PLGRKT: variants seen among roughly 807,000 people sequenced by gnomAD.
The protein encoded by PLGRKT is plasminogen receptor with a C-terminal lysine, also known as plasminogen receptor (KT).
Under a neutral mutation model 18.5 loss-of-function variants are expected in PLGRKT, and 22 were observed. That is an observed-to-expected ratio of 1.19 (90% CI 0.85 to 1.70). PLGRKT has a LOEUF of 1.70. PLGRKT is among the 40% of genes most tolerant of loss of function. The probability of loss-of-function intolerance (pLI) is 0.00; values close to 1 mark genes in which losing one functional copy is unlikely to be tolerated. For synonymous variants in PLGRKT, 72 were observed against 52.8 expected (o/e 1.36, Z -1.58); for missense variants, 235 against 174.4 (o/e 1.35, Z -1.96).
At chr9:5,387,541 CA>C (rs1817867368) in intron 3 of PLGRKT, among the ~76,000 whole-genome samples, 1 of 151,768 alleles carries the variant, frequency 6.6e-6, no homozygotes, top group African/African-American at 2.4e-5. Flanking sequence ...AGAAAACAGA[CA>C]TAATAAAGTA....
chr9:5,407,284 A>ATTAC (rs1436312105), intron 3 of PLGRKT, among the ~76,000 whole-genome samples: 1 of 152,226 alleles, frequency 6.6e-6, no homozygotes, highest in Non-Finnish European at 1.5e-5. Context: ...ATTTGTCTTC[A>ATTAC]GTAAATATAC....
intron 3 of PLGRKT, among the ~76,000 whole-genome samples, chr9:5,404,241 T>A (rs112157441): frequency 3.9e-5 from 6 of 152,040 alleles, no homozygotes; most frequent in African/African-American, 1.4e-4. Flanking sequence ...TTCCAAACAA[T>A]TGAAAAGGAG....
chr9:5,415,291 G>C (rs916284042), intron 3 of PLGRKT, among the ~76,000 whole-genome samples: 3 of 152,218 alleles, frequency 2.0e-5, no homozygotes, highest in Non-Finnish European at 4.4e-5. Flanking sequence ...ATAACCCATA[G>C]AGTAAAATGT....
chr9:5,360,653 T>C (rs891267945), intron 5 of PLGRKT, among the ~76,000 whole-genome samples: 1 of 152,192 alleles, frequency 6.6e-6, no homozygotes, highest in Non-Finnish European at 1.5e-5. Context: ...TATTTTGTTT[T>C]GTCTGTGTAT....
chr9:5,389,041 G>A (rs1817896959), intron 3 of PLGRKT, among the ~76,000 whole-genome samples: 1 of 151,964 alleles, frequency 6.6e-6, no homozygotes, highest in Admixed American at 6.5e-5. Flanking sequence ...ACTGTGGGGT[G>A]TCTCAGTAAG....
chr9:5,411,840 A>G (rs1818371874), intron 3 of PLGRKT, among the ~76,000 whole-genome samples: 1 of 152,248 alleles, frequency 6.6e-6, no homozygotes, highest in African/African-American at 2.4e-5. Flanking sequence ...ACAAATGGAA[A>G]AACATTTCCT....
At chr9:5,427,257 G>T (rs1254183621) in intron 3 of PLGRKT, among the ~76,000 whole-genome samples, 1 of 152,128 alleles carries the variant, frequency 6.6e-6, no homozygotes, top group Non-Finnish European at 1.5e-5. Flanking sequence ...ACAGTTATCA[G>T]ATCAGCTGCC....
At chr9:5,425,206 T>C (rs1209933444) in intron 3 of PLGRKT, among the ~76,000 whole-genome samples, 1 of 152,200 alleles carries the variant, frequency 6.6e-6, no homozygotes, top group Non-Finnish European at 1.5e-5. Flanking sequence ...TCAGGTGACA[T>C]AAAATTAGTT....
At chr9:5,387,363 C>A (rs1817864128) in intron 3 of PLGRKT, among the ~76,000 whole-genome samples, 1 of 151,774 alleles carries the variant, frequency 6.6e-6, no homozygotes, top group Non-Finnish European at 1.5e-5. Flanking sequence ...TTCATAGCAA[C>A]AATTGCCATA....
At chr9:5,380,012 C>A (rs926784202) in intron 3 of PLGRKT, among the ~76,000 whole-genome samples, 1 of 152,118 alleles carries the variant, frequency 6.6e-6, no homozygotes, top group Non-Finnish European at 1.5e-5. Context: ...AAATGTCTAC[C>A]AGTAAGAGAA....
intron 3 of PLGRKT, among the ~76,000 whole-genome samples, chr9:5,383,886 C>G (rs1817792367): frequency 6.6e-6 from 1 of 152,266 alleles, no homozygotes; most frequent in African/African-American, 2.4e-5. Flanking sequence ...TTAGTGGATA[C>G]AGGTGTGCCA....
At chr9:5,408,046 T>C (rs1228066177) in intron 3 of PLGRKT, among the ~76,000 whole-genome samples, 1 of 152,162 alleles carries the variant, frequency 6.6e-6, no homozygotes, top group African/African-American at 2.4e-5. Flanking sequence ...CATGTAGAAA[T>C]TTTCTCTGAG....
At chr9:5,424,157 TAA>T (rs1484429365) in intron 3 of PLGRKT, among the ~76,000 whole-genome samples, 3 of 139,784 alleles carry the variant, frequency 2.1e-5, no homozygotes, top group African/African-American at 7.9e-5. Flanking sequence ...TTACATGTAA[TAA>T]TATATATTAT....
chr9:5,436,735 C>T (rs1818967433), intron 1 of PLGRKT, 41 bp from the exon 2 acceptor site: 1 of 152,188 alleles, frequency 6.6e-6, no homozygotes, highest in Admixed American at 6.5e-5. Context: ...AAATTTCACC[C>T]TGGAGTTCAG....
intron 3 of PLGRKT, among the ~76,000 whole-genome samples, chr9:5,373,878 C>A (rs1406419026): frequency 1.3e-5 from 2 of 152,158 alleles, no homozygotes; most frequent in South Asian, 4.1e-4. Flanking sequence ...TCTTGCTCCC[C>A]TCCCATAACT....
chr9:5,394,915 G>A (rs1456594226), intron 3 of PLGRKT, among the ~76,000 whole-genome samples: 1 of 151,820 alleles, frequency 6.6e-6, no homozygotes, highest in East Asian at 1.9e-4. Flanking sequence ...CGGAGCCTCA[G>A]GGAAGGCAAT....
chr9:5,437,464 G>C (rs771831910), intron 1 of PLGRKT, among the ~76,000 whole-genome samples: 1 of 152,206 alleles, frequency 6.6e-6, no homozygotes, highest in East Asian at 1.9e-4. Flanking sequence ...CACCGCCCTT[G>C]CTCCCTGAGG....
At chr9:5,412,685 G>A (rs534962449) in intron 3 of PLGRKT, among the ~76,000 whole-genome samples, 1 of 152,224 alleles carries the variant, frequency 6.6e-6, no homozygotes, top group East Asian at 1.9e-4. Flanking sequence ...AAGTACCACA[G>A]GAAACAAGGA....
chr9:5,431,547 A>G (rs1818824616), intron 3 of PLGRKT, among the ~76,000 whole-genome samples: 2 of 150,478 alleles, frequency 1.3e-5, no homozygotes, highest in African/African-American at 5.0e-5. Flanking sequence ...AAAAAAAAAA[A>G]AAAAAAAGAC....
Sources: allele counts gnomAD v4.1 joint callset (sites outside exome capture counted in the v4.1 genomes callset), GRCh38; gene constraint gnomAD v4.1.1; transcripts MANE v1.5; gene names NCBI Gene and HGNC (gene_info 2026-07-23, HGNC 2026-07-21).